The following MYH10 variants were observed in gnomAD, a reference collection of about 807,000 sequenced individuals.
The protein encoded by MYH10 is myosin heavy chain 10.
A neutral mutation model predicts 257.8 loss-of-function variants in MYH10; 55 were observed. The ratio of observed to expected loss-of-function variants is 0.21; its 90% confidence interval spans 0.17 to 0.27. MYH10 has a LOEUF of 0.27. MYH10 is among the 10% of genes least tolerant of loss of function. MYH10 has a pLI of 1.00. For synonymous variants in MYH10, 854 were observed against 921.7 expected, an observed-to-expected ratio of 0.93 and a Z score of 1.33; for missense variants, 1,631 against 2,500.6, an observed-to-expected ratio of 0.65 and a Z score of 7.42.
intron 4 of MYH10, among the ~76,000 whole-genome samples, chr17:8,578,172 G>C (rs902739127): frequency 1.4e-4 from 21 of 151,952 alleles, no homozygotes; most frequent in Admixed American, 4.6e-4. Flanking sequence ...TGCCTCATAG[G>C]CTGGGTTCCT....
At chr17:8,500,432 G>GA (rs1398683869) in intron 29 of MYH10, among the ~76,000 whole-genome samples, 1 of 152,210 alleles carries the variant, frequency 6.6e-6, no homozygotes, top group Non-Finnish European at 1.5e-5. Context: ...AGAAGGGAGA[G>GA]ATGAATGTCA....
chr17:8,507,691 G>C (rs759473329), intron 26 of MYH10, among the ~76,000 whole-genome samples: 1 of 152,206 alleles, frequency 6.6e-6, no homozygotes, highest in Non-Finnish European at 1.5e-5. Flanking sequence ...GGAAAACCAG[G>C]CCTGGCGCCA....
At chr17:8,520,756 G>T in intron 19 of MYH10, 122 bp downstream of exon 19, 1 of 1,066,738 alleles carries the variant, frequency 9.4e-7, no homozygotes, top group Non-Finnish European at 1.3e-6. Flanking sequence ...CTATATGTTT[G>T]CTATATAAGA....
chr17:8,516,638 T>C (rs1462324133), intron 21 of MYH10, among the ~76,000 whole-genome samples: 1 of 152,258 alleles, frequency 6.6e-6, no homozygotes, highest in Admixed American at 6.5e-5. Context: ...AGTATATCTA[T>C]ATACTTCGTT....
chr17:8,488,695 G>A (rs747059831), intron 35 of MYH10, among the ~76,000 whole-genome samples: 1 of 152,054 alleles, frequency 6.6e-6, no homozygotes, highest in Non-Finnish European at 1.5e-5. Flanking sequence ...CTCTCCAAAG[G>A]GGAGAAACAA....
At chr17:8,604,261 A>G (rs2084715524) in intron 3 of MYH10, among the ~76,000 whole-genome samples, 2 of 152,192 alleles carry the variant, frequency 1.3e-5, no homozygotes, top group African/African-American at 4.8e-5. Context: ...ATTCAAAACC[A>G]CTACATTCCG....
chr17:8,486,310 C>T (rs753492753), intron 36 of MYH10, among the ~76,000 whole-genome samples: 6 of 151,842 alleles, frequency 4.0e-5, no homozygotes, highest in Non-Finnish European at 7.4e-5. Flanking sequence ...ACTAAACTGG[C>T]GAATTGTGTG....
chr17:8,483,396 C>T (rs1236335108), intron 37 of MYH10, among the ~76,000 whole-genome samples: 1 of 151,974 alleles, frequency 6.6e-6, no homozygotes, highest in Non-Finnish European at 1.5e-5. Flanking sequence ...GGGTCGGCTC[C>T]GTGTTTACTG....
intron 3 of MYH10, among the ~76,000 whole-genome samples, chr17:8,591,473 C>A (rs1054346936): frequency 1.3e-5 from 2 of 152,120 alleles, no homozygotes; most frequent in East Asian, 1.9e-4. Context: ...ACCTATAAAC[C>A]ATGATTTTAC....
intron 7 of MYH10, among the ~76,000 whole-genome samples, chr17:8,564,564 T>C (rs1024701840): frequency 2.6e-5 from 4 of 152,284 alleles, no homozygotes; most frequent in Non-Finnish European, 5.9e-5. Flanking sequence ...GTTGAAAACA[T>C]ATTAAAGTTA....
At chr17:8,476,088 G>A (rs949146522) in intron 42 of MYH10, 140 bp from the exon 43 acceptor site, 29 of 977,232 alleles carry the variant, frequency 3.0e-5, no homozygotes, top group Admixed American at 8.3e-5. Flanking sequence ...GTGGCGGTAC[G>A]ATGGGGAAGG....
At position 8,477,211 on chromosome 17, in the gene MYH10, C is replaced by T. The variant is rs1912824829; in HGVS notation, c.5707-163G>A. ...TGGGGGCTGGTCGGAGGCTCTGTAA[C>T]CGGCCTGCCGCTCTCAGCAAAGCTA... On this transcript the variant is annotated intron_variant, in intron 41 of 42. Coordinates refer to ENST00000360416, the MANE Select transcript of MYH10 (RefSeq NM_001256012.3). This position sits in a 1 kb window ranked among gnomAD's most constrained non-coding sequence, Gnocchi z 4.2. Among the ~76,000 whole-genome samples the T allele has an allele frequency of 6.6e-6, 1 of 152,098 alleles. No individual in the cohort carries two copies. The highest frequency in any genetic ancestry group is 1.5e-5 in the Non-Finnish European group (1 of 68,012).
At chr17:8,485,343 TAAATG>T (rs1439382430) in intron 36 of MYH10, among the ~76,000 whole-genome samples, 2 of 151,740 alleles carry the variant, frequency 1.3e-5, no homozygotes, top group Non-Finnish European at 2.9e-5. Context: ...AAGATCTAAA[TAAATG>T]GAAAGATTAT....
chr17:8,601,848 C>T (rs2084613276), intron 3 of MYH10, among the ~76,000 whole-genome samples: 1 of 152,080 alleles, frequency 6.6e-6, no homozygotes, highest in Non-Finnish European at 1.5e-5. Context: ...TGCTTTTTCA[C>T]ATAAAAAGCA....
At chr17:8,573,424 C>T (rs558028734) in intron 6 of MYH10, among the ~76,000 whole-genome samples, 2 of 152,232 alleles carry the variant, frequency 1.3e-5, no homozygotes, top group Admixed American at 1.3e-4. Flanking sequence ...ACAGTTTAAA[C>T]CAGGTTGGAG....
chr17:8,510,613 T>C (rs1021065972), intron 24 of MYH10, among the ~76,000 whole-genome samples: 3 of 152,216 alleles, frequency 2.0e-5, no homozygotes, highest in Non-Finnish European at 4.4e-5. Flanking sequence ...TGGAATAATA[T>C]ATAGTAATTA....
intron 35 of MYH10, among the ~76,000 whole-genome samples, chr17:8,488,249 G>A (rs1344657764): frequency 3.9e-5 from 6 of 152,202 alleles, no homozygotes; most frequent in Non-Finnish European, 8.8e-5. Context: ...CTAGTGTGCA[G>A]TGGGGATAGG....
chr17:8,546,380 C>T (rs73248085), intron 12 of MYH10, among the ~76,000 whole-genome samples, 164 bp downstream of exon 12: 2,631 of 141,370 alleles, frequency 0.019, 71 homozygotes, highest in African/African-American at 0.06. Context: ...TTTTCGAAAA[C>T]GAAAAAGTAA....
chr17:8,626,577 TAAA>T (rs768079984), intron 1 of MYH10, among the ~76,000 whole-genome samples: 2 of 65,688 alleles, frequency 3.0e-5, no homozygotes, highest in South Asian at 4.4e-4. Context: ...AAAATAATAA[TAAA>T]TAATAATAAT....
Sources: allele counts gnomAD v4.1 joint callset (sites outside exome capture counted in the v4.1 genomes callset), GRCh38; gene constraint gnomAD v4.1.1; non-coding constraint Gnocchi (gnomAD v3.1); transcripts MANE v1.5; gene names NCBI Gene and HGNC (gene_info 2026-07-23, HGNC 2026-07-21).